The following WDR27 variants were observed in gnomAD, a reference collection of about 807,000 sequenced individuals.
The protein encoded by WDR27 is WD repeat domain 27.
In WDR27, 100 loss-of-function variants were observed where a neutral mutation model predicts 114.4. The ratio of observed to expected loss-of-function variants is 0.87; its 90% CI spans 0.74 to 1.03. WDR27 has a LOEUF of 1.03. Ranked by LOEUF, WDR27 falls within the 50% of genes least tolerant of loss-of-function variation. The probability of loss-of-function intolerance (pLI) is 0.00; values close to 1 mark genes in which losing one functional copy is unlikely to be tolerated. For missense variants in WDR27, 1,129 were observed against 1,092.9 expected, an observed-to-expected ratio of 1.03 and a Z score of -0.47; for synonymous variants, 449 against 423.1, an observed-to-expected ratio of 1.06 and a Z score of -0.75.
At chr6:169,452,139 A>T in the WDR27 span, among the ~76,000 whole-genome samples, 1 of 152,194 alleles carries the variant, frequency 6.6e-6, no homozygotes, top group East Asian at 1.9e-4. Context: ...ACATTATTTT[A>T]TTTATTTCAC....
chr6:169,697,123 G>A (rs183439340), intron 1 of WDR27, among the ~76,000 whole-genome samples: 1 of 152,082 alleles, frequency 6.6e-6, no homozygotes, highest in African/African-American at 2.4e-5. Context: ...GATTACATAT[G>A]AATATCATTA....
At chr6:169,551,728 A>C (rs1289456790) in intron 25 of WDR27, among the ~76,000 whole-genome samples, 1 of 114,308 alleles carries the variant, frequency 8.7e-6, no homozygotes. Flanking sequence ...TAAGAGCGAG[A>C]CTCCATCTCA....
Position 169,660,758 on chromosome 6 carries a change from G to C in WDR27, c.1034C>G (p.Ser345Cys). The change falls in exon 10 of 26, where the codon TCT becomes TGT. Residue 345 changes from serine to cysteine, a missense_variant. Ser to Cys is a moderately radical substitution (Grantham distance 112). Coordinates refer to ENST00000448612, the MANE Select transcript of WDR27 (RefSeq NM_182552.5). Reference protein sequence around the residue: ...IPNSACGCLSSENTRCVWIGS... With the variant: ...IPNSACGCLSCENTRCVWIGS... ...GATCCACACACATCGGGTGTTCTCA[G>C]AAGAAAGACTGATTTAAGGAAAAAA... 6.2e-7 allele frequency: 1 copy of C among 1,613,470 alleles called. No individual in the cohort carries two copies. Among genetic ancestry groups the C allele is most frequent in the Non-Finnish European group, 8.5e-7 (1 of 1,179,732 alleles).
the WDR27 span, among the ~76,000 whole-genome samples, chr6:169,445,090 G>A: frequency 6.6e-6 from 1 of 152,326 alleles, no homozygotes; most frequent in East Asian, 1.9e-4. Context: ...ACGATGGCTG[G>A]CTTGCCGTGG....
chr6:169,452,181 G>A, the WDR27 span, among the ~76,000 whole-genome samples: 1 of 152,122 alleles, frequency 6.6e-6, no homozygotes, highest in Non-Finnish European at 1.5e-5. Flanking sequence ...GCCCCACTTC[G>A]GCAGGTTTTG....
At chr6:169,594,358 T>C (rs1806364458) in intron 23 of WDR27, among the ~76,000 whole-genome samples, 1 of 152,262 alleles carries the variant, frequency 6.6e-6, no homozygotes, top group African/African-American at 2.4e-5. Flanking sequence ...TGTTCATAGA[T>C]GTTTGATGTG....
chr6:169,556,391 G>A (rs1336187993), intron 25 of WDR27, among the ~76,000 whole-genome samples: 3 of 152,158 alleles, frequency 2.0e-5, no homozygotes, highest in African/African-American at 4.8e-5. Context: ...CAGCTCCCCC[G>A]AACCCTGACT....
At chr6:169,542,156 C>A (rs570183669) in intron 25 of WDR27, among the ~76,000 whole-genome samples, 1 of 151,928 alleles carries the variant, frequency 6.6e-6, no homozygotes, top group Non-Finnish European at 1.5e-5. Flanking sequence ...ATTTTATCAA[C>A]GAATCATCAG....
chr6:169,470,276 G>T (rs1786178896), intron 25 of WDR27, among the ~76,000 whole-genome samples: 1 of 152,108 alleles, frequency 6.6e-6, no homozygotes, highest in Non-Finnish European at 1.5e-5. Flanking sequence ...TTTCTCTCCA[G>T]CTCTCCTGTT....
At chr6:169,457,160 G>A (rs1016183982), downstream of WDR27, 2 of 176,750 alleles carry the variant, frequency 1.1e-5, no homozygotes, top group African/African-American at 2.4e-5. Flanking sequence ...CAGAACCCAC[G>A]CTCACCATGC....
intron 25 of WDR27, among the ~76,000 whole-genome samples, chr6:169,539,940 C>T (rs1470888810): frequency 1.3e-5 from 2 of 152,182 alleles, no homozygotes; most frequent in Admixed American, 6.5e-5. Context: ...ATGCTACCTC[C>T]CGACATCAGG....
rs147011207 is a variant in WDR27 at position 169,675,323 on chromosome 6, T to C, written c.190-2927A>G. The stretch of plus-strand genomic sequence containing the variant: ...ATGCCTTGCTCCTGTTTTTGCCATA[T>C]GACATGCCTGTTTTCCCTTTGCCTT... On this transcript the variant is annotated intron_variant, in intron 2 of 25. Coordinates refer to ENST00000448612, the MANE Select transcript of WDR27 (RefSeq NM_182552.5). 2.3e-3 allele frequency among the ~76,000 whole-genome samples: 351 copies of C among 152,310 alleles called. 2 individuals are homozygous for C. Among genetic ancestry groups the C allele is most frequent in the African/African-American group, 7.9e-3 (329 of 41,570 alleles).
At chr6:169,560,194 C>CT (rs1427470234) in intron 25 of WDR27, among the ~76,000 whole-genome samples, 1 of 152,114 alleles carries the variant, frequency 6.6e-6, no homozygotes, top group African/African-American at 2.4e-5. Flanking sequence ...GTGATAGTGA[C>CT]TAAGTCTCAC....
At chr6:169,695,001 G>A (rs1785491855) in intron 1 of WDR27, among the ~76,000 whole-genome samples, 1 of 152,332 alleles carries the variant, frequency 6.6e-6, no homozygotes, top group African/African-American at 2.4e-5. Flanking sequence ...GTCCCGGCCA[G>A]CAGAGGGAGA....
At chr6:169,671,157 C>T (rs1461948315) in intron 3 of WDR27, 2 of 156,912 alleles carry the variant, frequency 1.3e-5, no homozygotes, top group South Asian at 1.9e-4. Flanking sequence ...AAGACCCGGA[C>T]ATGTGCAGCA....
chr6:169,466,103 G>A (rs367958886), intron 25 of WDR27, among the ~76,000 whole-genome samples: 2 of 152,176 alleles, frequency 1.3e-5, no homozygotes, highest in African/African-American at 4.8e-5. Context: ...GGGGTTTCAG[G>A]TCGAGAGGAG....
At chr6:169,639,083 C>T (rs1030220544) in intron 17 of WDR27, among the ~76,000 whole-genome samples, 8 of 148,266 alleles carry the variant, frequency 5.4e-5, no homozygotes, top group African/African-American at 7.6e-5. Context: ...TGTGAGTGAA[C>T]GCCTCGGCCA....
chr6:169,508,152 C>T (rs548065507), intron 25 of WDR27, among the ~76,000 whole-genome samples: 1 of 152,284 alleles, frequency 6.6e-6, no homozygotes, highest in East Asian at 1.9e-4. Context: ...TCTATATGAC[C>T]AGACCAGGCT....
rs530096281 is a variant in WDR27 at position 169,522,571 on chromosome 6, C to T, written c.2645+49848G>A. Among the ~76,000 whole-genome samples the T allele has an allele frequency of 7.2e-5, 11 of 152,080 alleles. No homozygotes were observed. The South Asian group carries it at 1.2e-3, about 17-fold the overall frequency. On this transcript the variant is annotated intron_variant, in intron 25 of 25. Transcript: ENST00000448612. ...ACAGAACAGATCATATCATAGAACACAAAACAAGTATCAACAAATTCAAAA... is the reference window on the plus strand; with the variant it reads ...ACAGAACAGATCATATCATAGAACATAAAACAAGTATCAACAAATTCAAAA...
Sources: gnomAD v4.1 joint callset for allele counts (sites outside exome capture counted in the v4.1 genomes callset) on GRCh38, gnomAD v4.1.1 for gene constraint, MANE v1.5 for transcripts, NCBI Gene and HGNC (gene_info 2026-07-23, HGNC 2026-07-21) for gene names.